TEX10: variants seen among roughly 807,000 people sequenced by gnomAD.
TEX10 encodes testis expressed 10, also known as testis-expressed protein 10.
TEX10 carries 24 observed loss-of-function variants against 104.4 expected under a neutral mutation model. The ratio of observed to expected loss-of-function variants is 0.23; its 90% CI spans 0.17 to 0.32. TEX10 has a LOEUF of 0.32. Ranked by LOEUF, TEX10 falls within the 10% of genes least tolerant of loss-of-function variation. TEX10 has a pLI of 1.00. For missense variants in TEX10, 921 were observed against 1,083.9 expected, an observed-to-expected ratio of 0.85 and a Z score of 2.11; for synonymous variants, 396 against 393.4, an observed-to-expected ratio of 1.01 and a Z score of -0.08.
At chr9:100,316,909 A>AAAC (rs1554734913) in intron 11 of TEX10, among the ~76,000 whole-genome samples, 15 of 149,810 alleles carry the variant, frequency 1.0e-4, no homozygotes, top group Admixed American at 4.7e-4. Context: ...AAAAAAAAAA[A>AAAC]AAAAAAACCT....
intron 5 of TEX10, among the ~76,000 whole-genome samples, chr9:100,338,752 C>T (rs765654669): frequency 1.3e-5 from 2 of 151,884 alleles, no homozygotes; most frequent in African/African-American, 2.4e-5. Flanking sequence ...ATTAGCCAGG[C>T]GTGGTGGTGC....
At chr9:100,339,100 A>G (rs1835090707) in intron 5 of TEX10, among the ~76,000 whole-genome samples, 2 of 151,192 alleles carry the variant, frequency 1.3e-5, no homozygotes, top group Admixed American at 1.3e-4. Flanking sequence ...CTAAAAATAC[A>G]AAAATTAATC....
chr9:100,340,746 T>G (rs1835152469), intron 4 of TEX10, among the ~76,000 whole-genome samples: 1 of 152,232 alleles, frequency 6.6e-6, no homozygotes, highest in African/African-American at 2.4e-5. Context: ...AATTCCATTA[T>G]TTAACAATTT....
rs546440599 is a variant in TEX10, at chr9:100,351,286, G to A, written c.-10+1486C>T. ...AACCTGAAGACTGGAAGTCTTCGTG[G>A]CAAAACAGTTTGGCTTATTTCATTT... On this transcript the variant is annotated intron_variant, in intron 1 of 14. Transcript: ENST00000374902. 1.4e-3 allele frequency among the ~76,000 whole-genome samples: 216 copies of A among 151,534 alleles called. 1 individual carries two copies. The highest frequency in any genetic ancestry group is 2.6e-3 in the Non-Finnish European group (174 of 67,930).
rs28749777 is a variant in TEX10, at chr9:100,314,090, T to C, written c.2203-3711A>G. Among the ~76,000 whole-genome samples, 4 of 22,846 alleles carry C rather than the reference T, an allele frequency of 1.8e-4. No individual in the cohort carries two copies. In the African/African-American group the frequency reaches 2.4e-3, roughly 14 times the overall value. 15.0% of individuals were successfully genotyped at this position (22,846 alleles called of 152,430 possible). A position where few individuals can be genotyped will look rare whatever the true frequency, so the allele number is the denominator to read the frequency against. ...GCTTTTTGTTCTTTGGAGATTTTTC[T>C]TTTTTTTTTTTTTTTGAGACAGAGT... On this transcript the variant is annotated intron_variant, in intron 11 of 14. Coordinates refer to ENST00000374902, the MANE Select transcript of TEX10 (RefSeq NM_017746.4).
At chr9:100,305,790 T>G (rs1834128831) in intron 13 of TEX10, 1 of 152,216 alleles carries the variant, frequency 6.6e-6, no homozygotes. Context: ...AACCCAGGTA[T>G]GGAAGGCAGG....
intron 9 of TEX10, among the ~76,000 whole-genome samples, chr9:100,325,046 TTA>T (rs1290961493): frequency 2.0e-5 from 3 of 152,186 alleles, no homozygotes; most frequent in Non-Finnish European, 2.9e-5. Context: ...AATATTTTAT[TTA>T]TATGTTTTTC....
At chr9:100,311,691 G>A (rs1045978763) in intron 11 of TEX10, among the ~76,000 whole-genome samples, 2 of 152,168 alleles carry the variant, frequency 1.3e-5, no homozygotes, top group African/African-American at 2.4e-5. Context: ...TAGAGAGTTA[G>A]AAGTAAAACC....
chr9:100,307,271 A>G (rs1834164306), intron 13 of TEX10: 1 of 152,206 alleles, frequency 6.6e-6, no homozygotes, highest in Non-Finnish European at 1.5e-5. Flanking sequence ...CATGGTAAGT[A>G]TTTGTAAATA....
intron 11 of TEX10, among the ~76,000 whole-genome samples, chr9:100,316,916 A>AC (rs58849026): frequency 1.3e-4 from 20 of 150,080 alleles, no homozygotes; most frequent in Non-Finnish European, 2.2e-4. Context: ...AAAAAAAAAA[A>AC]CCTAGGAATA....
At chr9:100,335,486 C>A (rs546642862) in intron 5 of TEX10, among the ~76,000 whole-genome samples, 2 of 152,288 alleles carry the variant, frequency 1.3e-5, no homozygotes, top group Admixed American at 6.5e-5. Flanking sequence ...CAGGTGTGAG[C>A]CACCACACCC....
chr9:100,330,294 G>A (rs1334199186), intron 5 of TEX10, 125 bp from the exon 6 acceptor site: 3 of 739,468 alleles, frequency 4.1e-6, no homozygotes, highest in East Asian at 4.9e-5. Flanking sequence ...AGATGGCCAA[G>A]AAGATAGGTG....
chr9:100,352,323 A>G (rs1481344074), intron 1 of TEX10: 1 of 1,545,852 alleles, frequency 6.5e-7, no homozygotes, highest in African/African-American at 1.4e-5. Flanking sequence ...CCGCTCGCTT[A>G]ACTCTCCCGC....
chr9:100,346,433 AT>A, intron 3 of TEX10, 118 bp from the exon 4 acceptor site: 1 of 1,203,866 alleles, frequency 8.3e-7, no homozygotes, highest in Non-Finnish European at 1.1e-6. Flanking sequence ...TGATAATTAC[AT>A]CAATCAAAAC....
intron 5 of TEX10, among the ~76,000 whole-genome samples, chr9:100,331,841 C>T (rs1048374693): frequency 2.0e-5 from 3 of 152,166 alleles, no homozygotes; most frequent in Admixed American, 6.5e-5. Flanking sequence ...AGGGTCAATA[C>T]TGGTATGAAC....
At chr9:100,319,256 GTTAA>G (rs1834504638) in intron 11 of TEX10, among the ~76,000 whole-genome samples, 1 of 151,968 alleles carries the variant, frequency 6.6e-6, no homozygotes, top group Admixed American at 6.6e-5. Context: ...AAAGTCAGTA[GTTAA>G]TTAATTCAGA....
Position 100,327,889 on chromosome 9 carries a change from G to C in TEX10, c.1699C>G (p.Pro567Ala). ...LQLAHLGSRN[P>A]ELSTQLIDII... ...TCGATAAGCTGTGTAGAGAGCTCAG[G>C]ATTTCGGGAGCCAAGATGAGCAAGT... The change falls in exon 8 of 15, where the codon CCT (proline) becomes GCT (alanine). Residue 567 changes from proline to alanine, a missense_variant. Pro to Ala is a conservative substitution (Grantham distance 27, BLOSUM62 -1). Transcript: ENST00000374902. 1 of 1,605,520 alleles carries C rather than the reference G, an allele frequency of 6.2e-7. No individual in the cohort carries two copies. The highest frequency in any genetic ancestry group is 8.5e-7 in the Non-Finnish European group (1 of 1,174,226).
chr9:100,327,334 GAATTA>G (rs1399591472), intron 8 of TEX10, among the ~76,000 whole-genome samples: 1 of 151,576 alleles, frequency 6.6e-6, no homozygotes, highest in Non-Finnish European at 1.5e-5. Flanking sequence ...TATAGTATGT[GAATTA>G]TATTTCAATA....
intron 3 of TEX10, 117 bp from the exon 4 acceptor site, chr9:100,346,432 C>A: frequency 8.3e-7 from 1 of 1,208,708 alleles, no homozygotes; most frequent in Non-Finnish European, 1.1e-6. Context: ...CTGATAATTA[C>A]ATCAATCAAA....
Sources: allele counts gnomAD v4.1 joint callset (sites outside exome capture counted in the v4.1 genomes callset), GRCh38; gene constraint gnomAD v4.1.1; transcripts MANE v1.5; gene names NCBI Gene and HGNC (gene_info 2026-07-23, HGNC 2026-07-21).